SLC12A3: variants seen among roughly 807,000 people sequenced by gnomAD.
The protein encoded by SLC12A3 is Na-Cl cotransporter.
A neutral mutation model predicts 121.0 loss-of-function variants in SLC12A3; 104 were observed. The observed-to-expected ratio is 0.86, with a 90% CI of 0.73 to 1.01. SLC12A3 has a LOEUF of 1.01. Among genes scored for constraint, SLC12A3 ranks in the 50% least tolerant of loss-of-function variants. The probability of loss-of-function intolerance (pLI) is 0.00; values close to 1 mark genes in which losing one functional copy is unlikely to be tolerated. For synonymous variants in SLC12A3, 536 were observed against 533.4 expected (o/e 1.00, Z -0.07); for missense variants, 1,328 against 1,356.3 (o/e 0.98, Z 0.33).
chr16:56,899,766 A>G lies in SLC12A3; in HGVS notation c.2720+150A>G, dbSNP rs1305319300. On this transcript the variant is annotated intron_variant, in intron 23 of 25. Transcript: ENST00000563236. ...ATGTGTCAGAGGGCACAACTTCTGCAGTGGCTGTGGCCGGGGCCTGTCCCC... is the reference window on the plus strand; with the variant it reads ...ATGTGTCAGAGGGCACAACTTCTGCGGTGGCTGTGGCCGGGGCCTGTCCCC... The G allele has an allele frequency of 1.3e-5, 9 of 699,898 alleles. No homozygotes were observed. The African/African-American group carries it at 1.6e-4, about 12-fold the overall frequency. The allele number at this position is 699,898 out of a possible 1,614,324, so 43.4% of individuals were successfully genotyped here. A position where few individuals can be genotyped will look rare whatever the true frequency, so the allele number is the denominator to read the frequency against.
intron 2 of SLC12A3, 24 bp downstream of exon 2, chr16:56,867,240 T>C: frequency 1.3e-6 from 2 of 1,591,198 alleles, no homozygotes; most frequent in East Asian, 2.3e-5. Flanking sequence ...GGGTGGTGCG[T>C]GATGTCCAGA....
intron 17 of SLC12A3, among the ~76,000 whole-genome samples, chr16:56,887,466 C>T (rs948559740): frequency 6.6e-6 from 1 of 151,886 alleles, no homozygotes; most frequent in Non-Finnish European, 1.5e-5. Flanking sequence ...CTCAGCCCCC[C>T]AGAGTGCTCG....
chr16:56,879,801 C>T (rs905227927), intron 11 of SLC12A3, 152 bp downstream of exon 11: 2 of 686,418 alleles, frequency 2.9e-6, no homozygotes, highest in Non-Finnish European at 2.5e-6. Context: ...TATCAGCAAA[C>T]TCTTGAAGGA....
rs2055615727 is a variant in SLC12A3, at chr16:56,906,957, AGG to A, written c.2924+2498_2924+2499del. 2.3e-5 allele frequency: 8 copies of A among 341,142 alleles called. 1 individual carries two copies. Among genetic ancestry groups the A allele is most frequent in the South Asian group, 2.3e-4 (6 of 26,176 alleles). 21.1% of individuals were successfully genotyped at this position (341,142 alleles called of 1,614,324 possible). On this transcript the variant is annotated intron_variant, in intron 25 of 25. Transcript: ENST00000563236. ...GATTGGATCACAGCCAAAGGAGTAA[AGG>A]GGCGGCAGTGTGTTATCTGCAGCCA...
chr16:56,872,615 C>A (rs752893796), intron 7 of SLC12A3, 41 bp from the exon 8 acceptor site: 24 of 1,613,928 alleles, frequency 1.5e-5, no homozygotes, highest in Non-Finnish European at 2.0e-5. Flanking sequence ...GGGGGTCAAG[C>A]CCTCCAGGTG....
intron 6 of SLC12A3, among the ~76,000 whole-genome samples, chr16:56,871,098 G>C (rs1398443405): frequency 6.6e-6 from 1 of 152,178 alleles, no homozygotes; most frequent in Non-Finnish European, 1.5e-5. Context: ...GCCTCCCAAA[G>C]TGCTGGGATT....
rs2052827798 is a variant in SLC12A3, at chr16:56,882,390, C to T, written c.1568-6C>T. ...GGCTGTCCTCTCTCTCCCTGGGTCC[C>T]CGAAGCTGAGCTCAACACCATAGCC... On this transcript the variant is annotated splice_polypyrimidine_tract_variant and splice_region_variant and intron_variant, in intron 12 of 25. Coordinates refer to ENST00000563236, the MANE Select transcript of SLC12A3 (RefSeq NM_001126108.2). The T allele has an allele frequency of 1.9e-6, 3 of 1,612,918 alleles. No homozygotes were observed. The highest frequency in any genetic ancestry group is 2.2e-5 in the South Asian group (2 of 91,070).
In SLC12A3 at chr16:56,868,381, C is replaced by A; in HGVS notation, c.505+9C>A. 1 of 1,610,292 alleles carries A rather than the reference C, an allele frequency of 6.2e-7. No homozygotes were observed. Among genetic ancestry groups the A allele is most frequent in the Non-Finnish European group, 8.5e-7 (1 of 1,178,278 alleles). ...GGCCCAGGCAGGCATCGGTGAGTGC[C>A]CCTCTGGGGAAGAGGAGGGAGGGCT... On this transcript the variant is annotated intron_variant, in intron 3 of 25. Transcript: ENST00000563236.
At chr16:56,898,061 C>T (rs556623710) in intron 22 of SLC12A3, among the ~76,000 whole-genome samples, 2 of 152,202 alleles carry the variant, frequency 1.3e-5, no homozygotes, top group African/African-American at 4.8e-5. Flanking sequence ...GTTCCACCCC[C>T]CTGCACCCCG....
intron 8 of SLC12A3, among the ~76,000 whole-genome samples, chr16:56,877,543 T>C (rs1187495857): frequency 6.6e-6 from 1 of 152,236 alleles, no homozygotes; most frequent in Non-Finnish European, 1.5e-5. Context: ...TGCATAATGA[T>C]TGAACACGCT....
At chr16:56,909,482 G>A in intron 25 of SLC12A3, among the ~76,000 whole-genome samples, 1 of 148,316 alleles carries the variant, frequency 6.7e-6, no homozygotes, top group African/African-American at 2.5e-5. Flanking sequence ...AGCCTTTGTG[G>A]GATTTGCCAA....
intron 25 of SLC12A3, among the ~76,000 whole-genome samples, chr16:56,905,622 A>G (rs552836373): frequency 2.6e-5 from 4 of 152,122 alleles, no homozygotes; most frequent in African/African-American, 4.8e-5. Context: ...GCCAGGACCA[A>G]CTACACAATT....
At position 56,868,375 on chromosome 16, in the gene SLC12A3, G is replaced by A; in HGVS notation, c.505+3G>A. On this transcript the variant is annotated splice_donor_region_variant and intron_variant, in intron 3 of 25. Transcript: ENST00000563236. ...GATTACGGCCCAGGCAGGCATCGGT[G>A]AGTGCCCCTCTGGGGAAGAGGAGGG... The A allele has an allele frequency of 6.2e-7, 1 of 1,611,528 alleles. No individual in the cohort carries two copies. The highest frequency in any genetic ancestry group is 8.5e-7 in the Non-Finnish European group (1 of 1,178,944).
chr16:56,911,853 C>T (rs1162972360), intron 25 of SLC12A3, among the ~76,000 whole-genome samples: 1 of 152,244 alleles, frequency 6.6e-6, no homozygotes, highest in Non-Finnish European at 1.5e-5. Context: ...GTGGTGATGA[C>T]AGCTGCTGAC....
intron 24 of SLC12A3, 163 bp from the exon 25 acceptor site, chr16:56,904,232 C>A: frequency 1.4e-6 from 1 of 705,502 alleles, no homozygotes; most frequent in East Asian, 2.8e-5. Flanking sequence ...CTGAGGGTCC[C>A]CTTCTTCCTG....
intron 12 of SLC12A3, among the ~76,000 whole-genome samples, chr16:56,880,693 C>T (rs1396747808): frequency 1.3e-5 from 2 of 152,156 alleles, no homozygotes; most frequent in African/African-American, 4.8e-5. Context: ...ACTAGACAAA[C>T]CTAGTTCCAA....
rs1232749233 is a variant in SLC12A3, at chr16:56,866,922, A to ATT, written c.283-148_283-147insTT. ...TGCTCCTGGCCTAGGGAGCATTTTA[A>ATT]AAGCCCCTCAAGCAGCTCAACACCC... On this transcript the variant is annotated intron_variant, in intron 1 of 25. Transcript: ENST00000563236. 5 of 1,073,068 alleles carry ATT rather than the reference A, an allele frequency of 4.7e-6. No individual in the cohort carries two copies. In the African/African-American group the frequency reaches 7.8e-5, roughly 17 times the overall value. 66.5% of individuals were successfully genotyped at this position (1,073,068 alleles called of 1,614,324 possible).
chr16:56,910,929 G>A (rs540222372), intron 25 of SLC12A3, among the ~76,000 whole-genome samples: 1 of 152,346 alleles, frequency 6.6e-6, no homozygotes, highest in East Asian at 1.9e-4. Context: ...AGCAGGAATA[G>A]AGCACGTCAT....
chr16:56,901,347 C>CTCTTTTTTTTTTT (rs1555502273), intron 23 of SLC12A3, among the ~76,000 whole-genome samples: 4 of 128,900 alleles, frequency 3.1e-5, no homozygotes, highest in African/African-American at 1.3e-4. Context: ...CTCTCTCTCT[C>CTCTTTTTTTTTTT]TTTTTTTTTT....
Sources: gnomAD v4.1 joint callset for allele counts (sites outside exome capture counted in the v4.1 genomes callset) on GRCh38, gnomAD v4.1.1 for gene constraint, MANE v1.5 for transcripts, NCBI Gene and HGNC (gene_info 2026-07-23, HGNC 2026-07-21) for gene names.